GABRG3: variants seen among roughly 807,000 people sequenced by gnomAD.
GABRG3 encodes gamma-aminobutyric acid receptor subunit gamma-3.
GABRG3 carries 25 observed loss-of-function variants against 48.8 expected under a neutral mutation model. That is an observed-to-expected ratio of 0.51 (90% CI 0.37 to 0.72). The LOEUF (loss-of-function observed/expected upper bound fraction) is 0.72, where lower values mean the gene tolerates loss of function less well. Ranked by LOEUF, GABRG3 falls within the 30% of genes least tolerant of loss-of-function variation. The pLI is 0.00. For missense variants in GABRG3, 394 were observed against 577.9 expected (o/e 0.68, Z 3.26); for synonymous variants, 227 against 217.6 (o/e 1.04, Z -0.38).
intron 3 of GABRG3, among the ~76,000 whole-genome samples, chr15:27,102,810 A>C (rs1352859484): frequency 6.6e-6 from 1 of 152,192 alleles, no homozygotes; most frequent in Non-Finnish European, 1.5e-5. Context: ...TTATTTACCG[A>C]CATAAGTATA....
chr15:27,021,222 G>A (rs1027217918), intron 2 of GABRG3, among the ~76,000 whole-genome samples: 2 of 151,910 alleles, frequency 1.3e-5, no homozygotes, highest in African/African-American at 2.4e-5. Flanking sequence ...ATATTTTTTC[G>A]TGTTGCAATT....
intron 5 of GABRG3, among the ~76,000 whole-genome samples, chr15:27,398,636 A>T (rs923729227): frequency 6.6e-6 from 1 of 151,726 alleles, no homozygotes; most frequent in South Asian, 2.1e-4. Context: ...GTCTTTCCAT[A>T]TGTTTGGGTA....
chr15:27,308,062 A>G (rs1013896815), intron 3 of GABRG3, among the ~76,000 whole-genome samples: 3 of 134,246 alleles, frequency 2.2e-5, no homozygotes, highest in Non-Finnish European at 4.7e-5. Flanking sequence ...ATAAACATAT[A>G]TAAACATATA....
chr15:27,110,542 A>G (rs935806059), intron 3 of GABRG3, among the ~76,000 whole-genome samples: 8 of 149,560 alleles, frequency 5.3e-5, no homozygotes, highest in African/African-American at 2.0e-4. Context: ...TTTTTAACAT[A>G]TTTTTTGTAG....
intron 6 of GABRG3, among the ~76,000 whole-genome samples, chr15:27,487,822 T>G (rs1453285814): frequency 2.0e-5 from 3 of 152,214 alleles, no homozygotes; most frequent in Admixed American, 2.0e-4. Flanking sequence ...CTCTGGAAAC[T>G]GTTTCTCTGG....
At chr15:27,181,368 A>G (rs1887927083) in intron 3 of GABRG3, among the ~76,000 whole-genome samples, 1 of 152,182 alleles carries the variant, frequency 6.6e-6, no homozygotes, top group South Asian at 2.1e-4. Context: ...GGCTCAACCA[A>G]GACTCTTGTT....
chr15:27,177,608 A>G (rs2140414654), intron 3 of GABRG3, among the ~76,000 whole-genome samples: 1 of 152,328 alleles, frequency 6.6e-6, no homozygotes, highest in African/African-American at 2.4e-5. Context: ...TCAGGAATGA[A>G]CAAGGGCAGT....
chr15:27,039,818 G>A lies in GABRG3; in HGVS notation c.270+12997G>A, dbSNP rs536687263. 1.1e-4 allele frequency among the ~76,000 whole-genome samples: 16 copies of A among 152,242 alleles called. No homozygotes were observed. The East Asian group carries it at 1.2e-3, about 11-fold the overall frequency. ...GAGGCACCCCTCGCTGTCACCCCGCGGTCCGCCATTGAGGTTGCGTTGATG... is the reference window on the plus strand; with the variant it reads ...GAGGCACCCCTCGCTGTCACCCCGCAGTCCGCCATTGAGGTTGCGTTGATG... On this transcript the variant is annotated intron_variant, in intron 3 of 9. Transcript: ENST00000615808.
At chr15:27,002,807 AAG>A (rs1218678109) in intron 2 of GABRG3, among the ~76,000 whole-genome samples, 3 of 150,374 alleles carry the variant, frequency 2.0e-5, no homozygotes, top group South Asian at 4.2e-4. Flanking sequence ...GAAAGAGAGA[AAG>A]AGAGAAATAG....
intron 6 of GABRG3, among the ~76,000 whole-genome samples, chr15:27,515,382 C>T (rs969915728): frequency 2.0e-5 from 3 of 152,040 alleles, no homozygotes; most frequent in East Asian, 1.9e-4. Context: ...GTTGAGCCAC[C>T]GCGACCGGCT....
At chr15:27,036,420 C>T (rs1286591457) in intron 3 of GABRG3, among the ~76,000 whole-genome samples, 2 of 152,164 alleles carry the variant, frequency 1.3e-5, no homozygotes, top group Non-Finnish European at 2.9e-5. Context: ...CGGCCGGGCG[C>T]GGTGGCTCAT....
chr15:27,216,652 G>A (rs1203794237), intron 3 of GABRG3, among the ~76,000 whole-genome samples: 4 of 151,932 alleles, frequency 2.6e-5, no homozygotes, highest in Non-Finnish European at 4.4e-5. Flanking sequence ...CAGAGCTCAT[G>A]CTGTGATGAA....
intron 5 of GABRG3, among the ~76,000 whole-genome samples, chr15:27,463,148 G>T (rs1229352602): frequency 6.6e-6 from 1 of 152,008 alleles, no homozygotes; most frequent in Admixed American, 6.5e-5. Context: ...AGGTTTAACA[G>T]ATTTTATTTG....
intron 3 of GABRG3, among the ~76,000 whole-genome samples, chr15:27,202,646 G>A (rs767261637): frequency 3.0e-4 from 46 of 152,026 alleles, no homozygotes; most frequent in Non-Finnish European, 5.1e-4. Flanking sequence ...GCTTTATATT[G>A]CATTTTTTTG....
At position 27,316,280 on chromosome 15, in the gene GABRG3, T is replaced by C. The variant is rs532603168; in HGVS notation, c.271-10529T>C. Among the ~76,000 whole-genome samples the C allele has an allele frequency of 9.5e-3, 1,392 of 146,048 alleles. 27 individuals are homozygous for C. Among genetic ancestry groups the C allele is most frequent in the African/African-American group, 0.033 (1,280 of 39,262 alleles). The stretch of plus-strand genomic sequence containing the variant: ...GCGGGCGCCTGTAGTCCCAGCTACT[T>C]GGGAGGCTGAGGCAGGAGAATGGCG... On this transcript the variant is annotated intron_variant, in intron 3 of 9. Coordinates refer to ENST00000615808, the MANE Select transcript of GABRG3 (RefSeq NM_033223.5).
chr15:27,041,599 C>G (rs1163025257), intron 3 of GABRG3, among the ~76,000 whole-genome samples: 6 of 152,244 alleles, frequency 3.9e-5, no homozygotes, highest in Non-Finnish European at 7.3e-5. Context: ...AACATCCTAA[C>G]TTATTCTAAA....
chr15:27,147,709 A>G (rs1898235458), intron 3 of GABRG3, among the ~76,000 whole-genome samples: 1 of 152,022 alleles, frequency 6.6e-6, no homozygotes. Context: ...ATTAACCAAT[A>G]TACACCAAAA....
intron 5 of GABRG3, among the ~76,000 whole-genome samples, chr15:27,379,565 C>T (rs1292014798): frequency 3.4e-4 from 51 of 152,118 alleles, no homozygotes; most frequent in Admixed American, 3.3e-3. Context: ...TATCATTTTC[C>T]GTCTTTCTGA....
At chr15:27,203,980 AT>A (rs1888771720) in intron 3 of GABRG3, among the ~76,000 whole-genome samples, 1 of 151,726 alleles carries the variant, frequency 6.6e-6, no homozygotes, top group Admixed American at 6.6e-5. Flanking sequence ...GTTTGTGAAT[AT>A]TTTCTCCCAT....
Sources: gnomAD v4.1 joint callset for allele counts (sites outside exome capture counted in the v4.1 genomes callset) on GRCh38, gnomAD v4.1.1 for gene constraint, MANE v1.5 for transcripts, NCBI Gene and HGNC (gene_info 2026-07-23, HGNC 2026-07-21) for gene names.